Variants in MYRF observed in about 807,000 individuals in gnomAD.
MYRF encodes the protein myelin gene regulatory factor.
A neutral mutation model predicts 126.3 loss-of-function variants in MYRF; 16 were observed. The observed-to-expected ratio is 0.13, with a 90% CI of 0.09 to 0.19. The LOEUF (loss-of-function observed/expected upper bound fraction) is 0.19. Ranked by LOEUF, MYRF falls within the 10% of genes least tolerant of loss-of-function variation. The pLI is 1.00. For missense variants in MYRF, 1,104 were observed against 1,547.0 expected (o/e 0.71, Z 4.80); for synonymous variants, 608 against 635.3 (o/e 0.96, Z 0.65).
At chr11:61,771,372 AG>A in intron 5 of MYRF, 127 bp from the exon 6 acceptor site, 8 of 1,289,016 alleles carry the variant, frequency 6.2e-6, no homozygotes, top group Admixed American at 5.1e-5. Flanking sequence ...GGCTTCCTGA[AG>A]GAGGTGTCCT....
intron 8 of MYRF, among the ~76,000 whole-genome samples, chr11:61,775,572 G>A (rs773299225): frequency 6.6e-5 from 10 of 152,178 alleles, no homozygotes; most frequent in Admixed American, 3.3e-4. Context: ...GCATGGCTCT[G>A]CCAGTGCACG....
Position 61,776,757 on chromosome 11 carries a change from G to A in MYRF, c.1500-30G>A. The A allele has an allele frequency of 1.9e-6, 3 of 1,542,590 alleles. No individual in the cohort carries two copies. The highest frequency in any genetic ancestry group is 2.6e-6 in the Non-Finnish European group (3 of 1,136,104). On this transcript the variant is annotated intron_variant, in intron 10 of 26. Transcript: ENST00000278836. This position sits in a 1 kb window ranked among gnomAD's most constrained non-coding sequence, Gnocchi z 4.3. The stretch of plus-strand genomic sequence containing the variant: ...GGCCCTGGGGGCGGGGGCAGGCCAT[G>A]AGTACTTCTGAGACCCCTGTGTGTC...
chr11:61,779,768 C>T (rs2066488878), intron 16 of MYRF, 74 bp from the exon 17 acceptor site: 1 of 1,438,626 alleles, frequency 7.0e-7, no homozygotes, highest in Non-Finnish European at 9.7e-7. Context: ...GCTCCTCCGA[C>T]CTCCAGCAGA....
intron 1 of MYRF, among the ~76,000 whole-genome samples, chr11:61,754,774 G>A (rs954517231): frequency 6.6e-6 from 1 of 152,210 alleles, no homozygotes; most frequent in Non-Finnish European, 1.5e-5. Context: ...GGGGTGTGAG[G>A]CTGCCCGTCT....
chr11:61,755,842 G>C (rs2065736608), intron 1 of MYRF: 1 of 463,926 alleles, frequency 2.2e-6, no homozygotes, highest in South Asian at 1.6e-5. Flanking sequence ...CTTGGAGGAT[G>C]GAGGGAAGTC....
intron 19 of MYRF, 59 bp from the exon 20 acceptor site, chr11:61,780,901 G>A: frequency 6.3e-7 from 1 of 1,599,082 alleles, no homozygotes; most frequent in Non-Finnish European, 8.5e-7. Context: ...AGGACTGTCA[G>A]GCCCTCTCCC....
chr11:61,771,265 G>C (rs557585839), intron 5 of MYRF, among the ~76,000 whole-genome samples: 1 of 152,214 alleles, frequency 6.6e-6, no homozygotes, highest in South Asian at 2.1e-4. Context: ...ACCAAGTCAG[G>C]TGTGGCTCCT....
chr11:61,756,744 G>T (rs1292514505), intron 1 of MYRF, among the ~76,000 whole-genome samples: 1 of 152,072 alleles, frequency 6.6e-6, no homozygotes, highest in African/African-American at 2.4e-5. Context: ...GGTCAGTGCA[G>T]GGGTGAGAAA....
rs773083609 is a variant in MYRF, at chr11:61,765,637, A to G, written c.59A>G (p.Asn20Ser). ...LQRFFEGHDI[N>S]GALEPSNIDT... ...TCCTGCCCTGCAGGCCACGACATCAACGGTGCCCTGGAGCCCTCCAACATA... is the reference window on the plus strand; with the variant it reads ...TCCTGCCCTGCAGGCCACGACATCAGCGGTGCCCTGGAGCCCTCCAACATA... Residue 20 changes from asparagine (N) to serine (S), a missense_variant, in exon 2 of 27, where the codon AAC (asparagine) becomes AGC (serine). Transcript: ENST00000278836. The G allele has an allele frequency of 3.1e-6, 5 of 1,612,536 alleles. No individual in the cohort carries two copies. The highest frequency in any genetic ancestry group is 2.2e-5 in the South Asian group (2 of 90,962).
chr11:61,779,458 C>A (rs745996111), intron 15 of MYRF, 35 bp downstream of exon 15: 106 of 1,547,176 alleles, frequency 6.9e-5, no homozygotes, highest in Non-Finnish European at 9.1e-5. Context: ...TGAGACCCTT[C>A]TTCCCAGGGA....
At position 61,778,750 on chromosome 11, in the gene MYRF, C is replaced by G. The variant is rs2066456687; in HGVS notation, c.2013+261C>G. ...CTGTGGAGGGCCATGGCCTTCCACC[C>G]CCGGTAAAATGAGGGCGGTAATAGA... On this transcript the variant is annotated intron_variant, in intron 14 of 26. Coordinates refer to ENST00000278836, the MANE Select transcript of MYRF (RefSeq NM_001127392.3). The surrounding 1 kb of genome is among the most constrained non-coding windows in gnomAD (Gnocchi z 4.6). 1 of 626,500 alleles carries G rather than the reference C, an allele frequency of 1.6e-6. No homozygotes were observed. The allele number at this position is 626,500 out of a possible 1,614,324, so 38.8% of individuals were successfully genotyped here.
Position 61,783,903 on chromosome 11 carries a change from C to T in MYRF, c.3172C>T (p.Leu1058Phe). The T allele has an allele frequency of 1.2e-6, 2 of 1,607,466 alleles. No individual in the cohort carries two copies. The highest frequency in any genetic ancestry group is 8.5e-7 in the Non-Finnish European group (1 of 1,176,576). Reference sequence around the variant, plus strand: ...TGTCAGTAGTGGCACCCCACTGCACCTCAGCCTGACTCTGCAGATGAAGTG... The same window carrying T: ...TGTCAGTAGTGGCACCCCACTGCACTTCAGCCTGACTCTGCAGATGAAGTG... ...IPVSSGTPLH[L>F]SLTLQMNSSS... The change falls in exon 24 of 27, where the codon CTC becomes TTC. Residue 1058 changes from leucine to phenylalanine, a missense_variant. This residue lies in a region of MYRF where 94 missense variants were observed against 164.6 expected (regional missense o/e 0.57). Transcript: ENST00000278836. This position sits in a 1 kb window ranked among gnomAD's most constrained non-coding sequence, Gnocchi z 4.6.
Position 61,756,935 on chromosome 11 carries a change from A to T in MYRF, c.46+4145A>T. ...GGGTTACAGACTGGAGGGCCCTGGCAGCAGAGGCTGCTGGGTAACAGCCCA... is the reference window on the plus strand; with the variant it reads ...GGGTTACAGACTGGAGGGCCCTGGCTGCAGAGGCTGCTGGGTAACAGCCCA... On this transcript the variant is annotated intron_variant, in intron 1 of 26. Coordinates refer to ENST00000278836, the MANE Select transcript of MYRF (RefSeq NM_001127392.3). The T allele has an allele frequency of 5.7e-6, 2 of 349,178 alleles. 1 individual carries two copies. The highest frequency in any genetic ancestry group is 4.3e-5 in the South Asian group (2 of 46,554). The allele number at this position is 349,178 out of a possible 1,614,324, so 21.6% of individuals were successfully genotyped here. A position where few individuals can be genotyped will look rare whatever the true frequency, so the allele number is the denominator to read the frequency against.
chr11:61,761,342 C>T (rs400075), intron 1 of MYRF, among the ~76,000 whole-genome samples: 29,200 of 151,728 alleles, frequency 0.19, 3,214 homozygotes, highest in Middle Eastern at 0.32. Flanking sequence ...TGCCTGCTCT[C>T]ATCCTGCACC....
At chr11:61,754,764 G>A (rs1399092051) in intron 1 of MYRF, among the ~76,000 whole-genome samples, 2 of 152,234 alleles carry the variant, frequency 1.3e-5, no homozygotes, top group African/African-American at 4.8e-5. Context: ...GAGCAGGGGA[G>A]GGGTGTGAGG....
Position 61,770,531 on chromosome 11 carries a change from A to G in MYRF, c.740+6A>G, listed in dbSNP as rs1313560102. ...CTGCAGCAGCACGGAGCTGAGTAAG[A>G]CGTGGGTGGCTGGCTCCATGGGGTG... On this transcript the variant is annotated splice_donor_region_variant and intron_variant, in intron 5 of 26. Transcript: ENST00000278836. The G allele has an allele frequency of 5.8e-6, 9 of 1,551,390 alleles. No individual in the cohort carries two copies. The highest frequency in any genetic ancestry group is 7.9e-6 in the Non-Finnish European group (9 of 1,146,358).
At chr11:61,774,295 G>A in intron 8 of MYRF, 133 bp downstream of exon 8, 1 of 792,766 alleles carries the variant, frequency 1.3e-6, no homozygotes, top group Non-Finnish European at 1.9e-6. Flanking sequence ...GAGTCAGGCA[G>A]ATCACTTGAG....
chr11:61,779,289 G>A lies in MYRF; in HGVS notation c.2040G>A (p.Gly680=), dbSNP rs762529175. 7 of 1,546,998 alleles carry A rather than the reference G, an allele frequency of 4.5e-6. No homozygotes were observed. The African/African-American group carries it at 6.8e-5, about 15-fold the overall frequency. The change falls in exon 15 of 27, where the codon GGG becomes GGA. Residue 680 remains glycine (G), a synonymous_variant. Transcript: ENST00000278836. ...AGCGCATCTTCATGGAGAACGTAGG[G>A]GCCGTGAAGGAGCTGTGCAAGCTGA... is the stretch of plus-strand genomic sequence containing the variant. ...NKERIFMENV[G]AVKELCKLTD...
rs1187032536 is a variant in MYRF at position 61,757,337 on chromosome 11, G to T, written c.46+4547G>T. 1 of 456,262 alleles carries T rather than the reference G, an allele frequency of 2.2e-6. No homozygotes were observed. The highest frequency in any genetic ancestry group is 2.3e-5 in the Admixed American group (1 of 42,572). The allele number at this position is 456,262 out of a possible 1,614,324, so 28.3% of individuals were successfully genotyped here. ...ACAGTGCTTCTCTTGGCCGTATCAGGGCACCGCTGTGCCTCCGCTTTCTCA... is the reference window on the plus strand; with the variant it reads ...ACAGTGCTTCTCTTGGCCGTATCAGTGCACCGCTGTGCCTCCGCTTTCTCA... On this transcript the variant is annotated intron_variant, in intron 1 of 26. Transcript: ENST00000278836. This position sits in a 1 kb window ranked among gnomAD's most constrained non-coding sequence, Gnocchi z 4.7.
Sources: gnomAD v4.1 joint callset for allele counts (sites outside exome capture counted in the v4.1 genomes callset) on GRCh38, gnomAD v4.1.1 for gene constraint, gnomAD v4.1.1 regional missense constraint, Gnocchi (gnomAD v3.1) non-coding constraint, MANE v1.5 for transcripts, NCBI Gene and HGNC (gene_info 2026-07-23, HGNC 2026-07-21) for gene names.